The following TMEM132D variants were observed in gnomAD, a reference collection of about 807,000 sequenced individuals.
The protein encoded by TMEM132D is transmembrane protein 132D.
TMEM132D carries 21 observed loss-of-function variants against 62.3 expected under a neutral mutation model. That is an observed-to-expected ratio of 0.34 (90% CI 0.24 to 0.49). The LOEUF is 0.49. Among genes scored for constraint, TMEM132D ranks in the 20% least tolerant of loss-of-function variants. The probability of loss-of-function intolerance (pLI) is 0.99; values close to 1 mark genes in which losing one functional copy is unlikely to be tolerated. For missense variants in TMEM132D, 1,346 were observed against 1,402.8 expected (o/e 0.96, Z 0.65); for synonymous variants, 621 against 575.6 (o/e 1.08, Z -1.13).
chr12:129,354,338 T>TATATATATATATATATATATATATA (rs1869967689), intron 3 of TMEM132D, among the ~76,000 whole-genome samples: 1 of 144,902 alleles, frequency 6.9e-6, no homozygotes, highest in African/African-American at 2.5e-5. Context: ...TATATACATA[T>TATATATATATATATATATATATATA]TTTGAGTCAG....
intron 1 of TMEM132D, among the ~76,000 whole-genome samples, chr12:129,739,701 T>C (rs546327595): frequency 6.6e-6 from 1 of 152,324 alleles, no homozygotes; most frequent in Non-Finnish European, 1.5e-5. Flanking sequence ...CTGGTCCCCA[T>C]GGACTGCACC....
At chr12:129,204,106 G>A (rs1302347430) in intron 5 of TMEM132D, among the ~76,000 whole-genome samples, 1 of 152,140 alleles carries the variant, frequency 6.6e-6, no homozygotes, top group African/African-American at 2.4e-5. Context: ...AAAAACTCTG[G>A]CAACTGAAAA....
At chr12:129,609,017 T>C (rs1404112481) in intron 2 of TMEM132D, among the ~76,000 whole-genome samples, 1 of 151,280 alleles carries the variant, frequency 6.6e-6, no homozygotes, top group Non-Finnish European at 1.5e-5. Flanking sequence ...CTTGGCCCAC[T>C]GCAACCTCTA....
chr12:129,177,022 T>G (rs1001409185), intron 5 of TMEM132D, among the ~76,000 whole-genome samples: 1 of 152,228 alleles, frequency 6.6e-6, no homozygotes, highest in Non-Finnish European at 1.5e-5. Context: ...TTTGGTTTGG[T>G]GCATGGCTTG....
chr12:129,451,671 T>G (rs1050718498), intron 3 of TMEM132D, among the ~76,000 whole-genome samples: 4 of 152,112 alleles, frequency 2.6e-5, no homozygotes, highest in Non-Finnish European at 5.9e-5. Context: ...ATGCCCAAAT[T>G]GACGTTATTC....
intron 4 of TMEM132D, among the ~76,000 whole-genome samples, chr12:129,212,936 G>GAA (rs1287898420): frequency 6.6e-6 from 1 of 152,204 alleles, no homozygotes; most frequent in East Asian, 1.9e-4. Context: ...TCTTGCTAGA[G>GAA]AAATAATGAC....
intron 1 of TMEM132D, among the ~76,000 whole-genome samples, chr12:129,734,079 G>A (rs568647066): frequency 1.1e-4 from 17 of 152,222 alleles, no homozygotes; most frequent in East Asian, 5.8e-4. Context: ...TGAGAACCTC[G>A]TTTGCTCAAG....
intron 3 of TMEM132D, among the ~76,000 whole-genome samples, chr12:129,483,708 G>A (rs753699335): frequency 3.9e-5 from 6 of 152,128 alleles, no homozygotes; most frequent in South Asian, 4.1e-4. Context: ...AAATACCCAC[G>A]TCAACGCTCC....
chr12:129,607,684 T>C (rs61943549), intron 2 of TMEM132D, among the ~76,000 whole-genome samples: 4,848 of 152,220 alleles, frequency 0.032, 112 homozygotes, highest in Non-Finnish European at 0.046. Flanking sequence ...GTTCATTCAA[T>C]AAATAGAATG....
At chr12:129,100,350 A>G (rs1377210774) in intron 5 of TMEM132D, among the ~76,000 whole-genome samples, 1 of 152,170 alleles carries the variant, frequency 6.6e-6, no homozygotes, top group Non-Finnish European at 1.5e-5. Context: ...ACCCACTTTA[A>G]TTAGGTCATT....
At chr12:129,102,476 C>T (rs554654607) in intron 5 of TMEM132D, among the ~76,000 whole-genome samples, 2 of 134,838 alleles carry the variant, frequency 1.5e-5, no homozygotes, top group African/African-American at 2.6e-5. Context: ...CACATGTACT[C>T]ACACAATGCA....
In TMEM132D at chr12:129,099,569, C is replaced by T. The variant is rs958946263; in HGVS notation, c.1444-14867G>A. Among the ~76,000 whole-genome samples, 7 of 152,226 alleles carry T rather than the reference C, an allele frequency of 4.6e-5. No individual in the cohort carries two copies. In the South Asian group the frequency reaches 8.3e-4, roughly 18 times the overall value. ...CAGACTGAGGAGCCACATGTGGACC[C>T]TTCAGCCCACCAACAGCAACTGCTG... On this transcript the variant is annotated intron_variant, in intron 5 of 8. Transcript: ENST00000422113.
At chr12:129,681,308 T>C (rs1880773200) in intron 2 of TMEM132D, 1 of 152,348 alleles carries the variant, frequency 6.6e-6, no homozygotes, top group African/African-American at 2.4e-5. Context: ...TATATCATAA[T>C]TTTGTGTAGC....
At chr12:129,771,652 A>G (rs186352479) in intron 1 of TMEM132D, among the ~76,000 whole-genome samples, 7 of 152,364 alleles carry the variant, frequency 4.6e-5, no homozygotes, top group Admixed American at 2.6e-4. Flanking sequence ...AGAGTATCAA[A>G]ATGGTCCTGT....
chr12:129,321,682 C>T (rs1320164503), intron 4 of TMEM132D, among the ~76,000 whole-genome samples: 1 of 152,080 alleles, frequency 6.6e-6, no homozygotes, highest in Non-Finnish European at 1.5e-5. Flanking sequence ...TCAGCCTCCC[C>T]CGACTAGCTG....
At chr12:129,208,865 C>G (rs1424840752) in intron 5 of TMEM132D, 3 of 152,248 alleles carry the variant, frequency 2.0e-5, no homozygotes, top group Non-Finnish European at 4.4e-5. Flanking sequence ...CCAGCCTCCT[C>G]CATCCGTCTC....
At chr12:129,514,124 C>G (rs963083959) in intron 3 of TMEM132D, among the ~76,000 whole-genome samples, 1 of 152,050 alleles carries the variant, frequency 6.6e-6, no homozygotes, top group Non-Finnish European at 1.5e-5. Context: ...CAGGCGTGAG[C>G]CACCGAGCCC....
intron 1 of TMEM132D, among the ~76,000 whole-genome samples, chr12:129,848,172 G>A (rs540945353): frequency 6.6e-5 from 10 of 152,156 alleles, no homozygotes; most frequent in East Asian, 1.9e-4. Flanking sequence ...CCAAGGGTGC[G>A]TCCTTTGTAC....
chr12:129,214,734 T>C lies in TMEM132D; in HGVS notation c.1300-5071A>G, dbSNP rs1383335371. On this transcript the variant is annotated intron_variant, in intron 4 of 8. Coordinates refer to ENST00000422113, the MANE Select transcript of TMEM132D (RefSeq NM_133448.3). ...TCAACATCATTGATCACTAGAGAAA[T>C]GCAAATCAAAACCACAATGAGATAT... is the stretch of plus-strand genomic sequence containing the variant. Among the ~76,000 whole-genome samples the C allele has an allele frequency of 3.9e-5, 6 of 152,202 alleles. No homozygotes were observed. The East Asian group carries it at 9.7e-4, about 24-fold the overall frequency.
Sources: gnomAD v4.1 joint callset for allele counts (sites outside exome capture counted in the v4.1 genomes callset) on GRCh38, gnomAD v4.1.1 for gene constraint, MANE v1.5 for transcripts, NCBI Gene and HGNC (gene_info 2026-07-23, HGNC 2026-07-21) for gene names.